SH3BP5: variants seen among roughly 807,000 people sequenced by gnomAD.
The protein encoded by SH3BP5 is SH3 domain binding protein 5, also known as SH3 domain-binding protein 5.
A neutral mutation model predicts 43.3 loss-of-function variants in SH3BP5; 22 were observed. That is an observed-to-expected ratio of 0.51 (90% CI 0.36 to 0.73). The LOEUF (loss-of-function observed/expected upper bound fraction) is 0.73. Ranked by LOEUF, SH3BP5 falls within the 30% of genes least tolerant of loss-of-function variation. The pLI is 0.00. For missense variants in SH3BP5, 529 were observed against 586.9 expected, an observed-to-expected ratio of 0.90 and a Z score of 1.02; for synonymous variants, 255 against 225.8, an observed-to-expected ratio of 1.13 and a Z score of -1.16.
chr3:15,283,284 G>A (rs890764898), intron 3 of SH3BP5, among the ~76,000 whole-genome samples: 2 of 152,110 alleles, frequency 1.3e-5, no homozygotes, highest in African/African-American at 2.4e-5. Context: ...TGTAGTCCGA[G>A]CTACTCAGGT....
At chr3:15,277,605 C>T (rs2125075825) in intron 3 of SH3BP5, among the ~76,000 whole-genome samples, 2 of 152,242 alleles carry the variant, frequency 1.3e-5, no homozygotes, top group South Asian at 4.2e-4. Flanking sequence ...ACAGTCTCAC[C>T]TGCTCTGAGG....
At chr3:15,327,920 T>G (rs538198968) in intron 2 of SH3BP5, among the ~76,000 whole-genome samples, 1 of 152,274 alleles carries the variant, frequency 6.6e-6, no homozygotes, top group African/African-American at 2.4e-5. Context: ...ATGTAAAATA[T>G]CAGTAATTTT....
intron 4 of SH3BP5, among the ~76,000 whole-genome samples, chr3:15,262,985 A>C (rs181598575): frequency 6.6e-6 from 1 of 152,170 alleles, no homozygotes; most frequent in South Asian, 2.1e-4. Flanking sequence ...ATAGATATCT[A>C]TATCTAGATA....
At chr3:15,326,590 G>A (rs796685098) in intron 2 of SH3BP5, among the ~76,000 whole-genome samples, 15 of 152,264 alleles carry the variant, frequency 9.9e-5, no homozygotes, top group African/African-American at 2.9e-4. Flanking sequence ...TCGTCTACTC[G>A]CTAAAATTTA....
At chr3:15,324,691 T>A (rs998884165) in intron 2 of SH3BP5, among the ~76,000 whole-genome samples, 1 of 152,174 alleles carries the variant, frequency 6.6e-6, no homozygotes, top group African/African-American at 2.4e-5. Context: ...CACGTTTTAA[T>A]GGAGAAAGTG....
intron 3 of SH3BP5, among the ~76,000 whole-genome samples, chr3:15,287,128 C>A (rs1697287516): frequency 2.0e-5 from 3 of 152,146 alleles, no homozygotes; most frequent in African/African-American, 7.2e-5. Flanking sequence ...AGAGTTGCTG[C>A]AAGGAATAAG....
At position 15,274,821 on chromosome 3, in the gene SH3BP5, C is replaced by T. The variant is rs187569808; in HGVS notation, c.331-4944G>A. Among the ~76,000 whole-genome samples the T allele has an allele frequency of 1.2e-3, 178 of 152,326 alleles. 2 individuals are homozygous for T. The highest frequency in any genetic ancestry group is 5.3e-4 in the Non-Finnish European group (36 of 68,020). ...TCGGCCTCCCAAAGTGCTGGGATTACAGGGTTGCAGGTGTGAGCCGCCACA... is the reference window on the plus strand; with the variant it reads ...TCGGCCTCCCAAAGTGCTGGGATTATAGGGTTGCAGGTGTGAGCCGCCACA... On this transcript the variant is annotated intron_variant, in intron 3 of 8. Transcript: ENST00000383791.
At chr3:15,332,850 CGTT>C (rs2124835784), upstream of SH3BP5, among the ~76,000 whole-genome samples, 1 of 152,358 alleles carries the variant, frequency 6.6e-6, no homozygotes, top group South Asian at 2.1e-4. Context: ...CTCCGAGGCT[CGTT>C]GTTTGTGTGG....
chr3:15,292,873 C>T (rs903076854), intron 3 of SH3BP5, among the ~76,000 whole-genome samples: 1 of 152,050 alleles, frequency 6.6e-6, no homozygotes, highest in African/African-American at 2.4e-5. Context: ...AAGAAAACCT[C>T]AAGATCAGCA....
At chr3:15,332,094 G>T in intron 1 of SH3BP5, 177 bp downstream of exon 1, 1 of 1,021,534 alleles carries the variant, frequency 9.8e-7, no homozygotes, top group Non-Finnish European at 1.4e-6. Flanking sequence ...GGGCACTGTA[G>T]CCTCCTCATT....
At position 15,283,425 on chromosome 3, in the gene SH3BP5, G is replaced by A. The variant is rs186213857; in HGVS notation, c.331-13548C>T. Among the ~76,000 whole-genome samples, 1,031 of 152,266 alleles carry A rather than the reference G, an allele frequency of 6.8e-3. 11 individuals are homozygous for A. Among genetic ancestry groups the A allele is most frequent in the African/African-American group, 0.024 (991 of 41,558 alleles). On this transcript the variant is annotated intron_variant, in intron 3 of 8. Coordinates refer to ENST00000383791, the MANE Select transcript of SH3BP5 (RefSeq NM_004844.5). ...AAAAGGAAAAGAAATATCTAAGATT[G>A]CCAATGAGGGGAGGTAAACAGTCAA... is the stretch of plus-strand genomic sequence containing the variant.
intron 2 of SH3BP5, among the ~76,000 whole-genome samples, chr3:15,325,916 G>A (rs1005199768): frequency 1.3e-5 from 2 of 152,134 alleles, no homozygotes; most frequent in East Asian, 1.9e-4. Flanking sequence ...CTACTTGGGA[G>A]GCTGAAGCTG....
At chr3:15,296,711 T>TTTTTTTTGA in intron 3 of SH3BP5, among the ~76,000 whole-genome samples, 1 of 148,568 alleles carries the variant, frequency 6.7e-6, no homozygotes, top group East Asian at 2.0e-4. Flanking sequence ...TTTTTTTTTT[T>TTTTTTTTGA]GAGACAGGGT....
chr3:15,303,132 C>T (rs1322181458), intron 3 of SH3BP5, among the ~76,000 whole-genome samples: 1 of 152,150 alleles, frequency 6.6e-6, no homozygotes, highest in Non-Finnish European at 1.5e-5. Context: ...CATCTTCTTA[C>T]AAGTGGACAC....
chr3:15,324,527 C>T lies in SH3BP5; in HGVS notation c.201+5977G>A, dbSNP rs370578135. On this transcript the variant is annotated intron_variant, in intron 2 of 8. Coordinates refer to ENST00000383791, the MANE Select transcript of SH3BP5 (RefSeq NM_004844.5). Reference sequence around the variant, plus strand: ...GTGTAGGGGCTCTGCCAGCTTAGACCGGGCAGCCTGCCACCAGGCCTGGAA... The same window carrying T: ...GTGTAGGGGCTCTGCCAGCTTAGACTGGGCAGCCTGCCACCAGGCCTGGAA... Among the ~76,000 whole-genome samples, 10 of 152,272 alleles carry T rather than the reference C, an allele frequency of 6.6e-5. No individual in the cohort carries two copies. In the South Asian group the frequency reaches 8.3e-4, roughly 13 times the overall value.
intron 2 of SH3BP5, among the ~76,000 whole-genome samples, chr3:15,323,087 G>A (rs1698373184): frequency 6.6e-6 from 1 of 151,878 alleles, no homozygotes; most frequent in South Asian, 2.1e-4. Context: ...TGCAGTGGCA[G>A]AGATCACATC....
chr3:15,319,164 T>C (rs1357370534), intron 2 of SH3BP5, among the ~76,000 whole-genome samples: 2 of 152,232 alleles, frequency 1.3e-5, no homozygotes, highest in African/African-American at 4.8e-5. Context: ...AGCCATGCCA[T>C]AATTTTTTTC....
In SH3BP5 at chr3:15,255,575, AT is replaced by A. The variant is rs544125875; in HGVS notation, c.*510del. 436 of 145,876 alleles carry A rather than the reference AT, an allele frequency of 3.0e-3. 1 individual carries two copies. Among genetic ancestry groups the A allele is most frequent in the Middle Eastern group, 7.2e-3 (2 of 276 alleles). 9.0% of individuals were successfully genotyped at this position (145,876 alleles called of 1,614,324 possible). Reference sequence around the variant, plus strand: ...TGGTGAAAATGAATTGTGTTCTTGGATTTTTTTTTTTTTAAGCCTCCACTGG... The same window carrying A: ...TGGTGAAAATGAATTGTGTTCTTGGATTTTTTTTTTTTAAGCCTCCACTGG... On this transcript the variant is annotated 3_prime_UTR_variant, in exon 9 of 9. Coordinates refer to ENST00000383791, the MANE Select transcript of SH3BP5 (RefSeq NM_004844.5).
At chr3:15,285,349 T>A (rs768847543) in intron 3 of SH3BP5, among the ~76,000 whole-genome samples, 1 of 152,150 alleles carries the variant, frequency 6.6e-6, no homozygotes, top group African/African-American at 2.4e-5. Context: ...CAGAAAGTCA[T>A]GTCATATGAA....
Sources: gnomAD v4.1 joint callset for allele counts (sites outside exome capture counted in the v4.1 genomes callset) on GRCh38, gnomAD v4.1.1 for gene constraint, MANE v1.5 for transcripts, NCBI Gene and HGNC (gene_info 2026-07-23, HGNC 2026-07-21) for gene names.